The following INSR variants were observed in gnomAD, a reference collection of about 807,000 sequenced individuals.
The protein encoded by INSR is insulin receptor, also known as IR.
Under a neutral mutation model 142.6 loss-of-function variants are expected in INSR, and 67 were observed. The ratio of observed to expected loss-of-function variants is 0.47; its 90% CI spans 0.39 to 0.58. INSR has a LOEUF of 0.58. INSR is among the 20% of genes least tolerant of loss of function. The pLI is 0.00. For synonymous variants in INSR, 756 were observed against 743.1 expected (o/e 1.02, Z -0.28); for missense variants, 1,248 against 1,833.2 (o/e 0.68, Z 5.83).
chr19:7,130,809 T>C (rs1404018101), intron 14 of INSR, among the ~76,000 whole-genome samples: 1 of 151,912 alleles, frequency 6.6e-6, no homozygotes, highest in Non-Finnish European at 1.5e-5. Context: ...TTCTTTCTTT[T>C]ATCTCTCTTT....
Position 7,120,362 on chromosome 19 carries a change from C to T in INSR, c.3659+258G>A, listed in dbSNP as rs540545105. 1.2e-4 allele frequency among the ~76,000 whole-genome samples: 18 copies of T among 152,316 alleles called. No homozygotes were observed. The South Asian group carries it at 1.4e-3, about 12-fold the overall frequency. Reference sequence around the variant, plus strand: ...CTCAGGACCACCTGAGGCTGTGCCACGGGCACACGTCCTCAACCTTGGCAA... The same window carrying T: ...CTCAGGACCACCTGAGGCTGTGCCATGGGCACACGTCCTCAACCTTGGCAA... On this transcript the variant is annotated intron_variant, in intron 20 of 21. Transcript: ENST00000302850.
chr19:7,282,809 T>C (rs994946874), intron 1 of INSR, among the ~76,000 whole-genome samples: 1 of 149,350 alleles, frequency 6.7e-6, no homozygotes, highest in Admixed American at 6.7e-5. Context: ...CCGTCTCTAC[T>C]AAAAATACAA....
intron 2 of INSR, among the ~76,000 whole-genome samples, chr19:7,230,273 A>C (rs923317484): frequency 1.3e-5 from 2 of 152,252 alleles, no homozygotes; most frequent in African/African-American, 4.8e-5. Context: ...TGTAGCAATG[A>C]GGGAGAGAAA....
chr19:7,201,694 A>G (rs62111429), intron 2 of INSR, among the ~76,000 whole-genome samples: 96,537 of 129,110 alleles, frequency 0.75, 36,556 homozygotes, highest in African/African-American at 0.79. Context: ...TTGGAGTCTC[A>G]CTCTGTCGCC....
chr19:7,201,315 T>G (rs902364901), intron 2 of INSR, among the ~76,000 whole-genome samples: 2 of 152,112 alleles, frequency 1.3e-5, no homozygotes, highest in Non-Finnish European at 2.9e-5. Flanking sequence ...TTTCCAAAAT[T>G]GTTAGTAGAG....
chr19:7,275,591 T>C lies in INSR; in HGVS notation c.101-7695A>G, dbSNP rs1046356235. On this transcript the variant is annotated intron_variant, in intron 1 of 21. Coordinates refer to ENST00000302850, the MANE Select transcript of INSR (RefSeq NM_000208.4). Reference sequence around the variant, plus strand: ...CAAGGTCAGGAGTTTGAGATCAGCCTGGATAACATGGTGAAACCCCGTCTC... The same window carrying C: ...CAAGGTCAGGAGTTTGAGATCAGCCCGGATAACATGGTGAAACCCCGTCTC... Among the ~76,000 whole-genome samples, 16 of 152,058 alleles carry C rather than the reference T, an allele frequency of 1.1e-4. 1 individual carries two copies. The highest frequency in any genetic ancestry group is 3.4e-4 in the African/African-American group (14 of 41,498).
chr19:7,197,838 G>GAGAGAGAA (rs149071962), intron 2 of INSR, among the ~76,000 whole-genome samples: 65,699 of 100,304 alleles, frequency 0.65, 24,017 homozygotes, highest in African/African-American at 0.69. Context: ...GAGAGAACGA[G>GAGAGAGAA]AGAGAGAGAG....
At chr19:7,218,583 C>T (rs1424642805) in intron 2 of INSR, among the ~76,000 whole-genome samples, 1 of 152,052 alleles carries the variant, frequency 6.6e-6, no homozygotes, top group Non-Finnish European at 1.5e-5. Flanking sequence ...CTCTGTTGCC[C>T]AGGCTGGAGT....
At chr19:7,147,389 G>T (rs1157173033) in intron 11 of INSR, among the ~76,000 whole-genome samples, 1 of 152,054 alleles carries the variant, frequency 6.6e-6, no homozygotes, top group African/African-American at 2.4e-5. Flanking sequence ...TGGCCAGGCT[G>T]GTCTCAAACT....
intron 2 of INSR, among the ~76,000 whole-genome samples, chr19:7,197,361 G>A (rs1276313609): frequency 6.6e-6 from 1 of 152,218 alleles, no homozygotes; most frequent in Admixed American, 6.5e-5. Context: ...AGTGAGTGGG[G>A]AGGGAGTGAG....
Position 7,119,359 on chromosome 19 carries a change from G to T in INSR, c.3794+90C>A. ...AGCATGCAAACACGGTGAGCGTGTA[G>T]ACATAGGAAAGGCAAAACCAAGCAC... is the stretch of plus-strand genomic sequence containing the variant. On this transcript the variant is annotated intron_variant, in intron 21 of 21. Coordinates refer to ENST00000302850, the MANE Select transcript of INSR (RefSeq NM_000208.4). The surrounding 1 kb of genome is among the most constrained non-coding windows in gnomAD (Gnocchi z 5.2). 1 of 1,447,806 alleles carries T rather than the reference G, an allele frequency of 6.9e-7. No homozygotes were observed. Among genetic ancestry groups the T allele is most frequent in the Non-Finnish European group, 9.7e-7 (1 of 1,029,478 alleles). 89.7% of individuals were successfully genotyped at this position (1,447,806 alleles called of 1,614,324 possible).
intron 19 of INSR, 119 bp downstream of exon 19, chr19:7,122,495 G>A (rs1281397020): frequency 1.1e-5 from 11 of 995,356 alleles, no homozygotes; most frequent in Middle Eastern, 2.6e-4. Context: ...AAAAAAAAAA[G>A]AAGTATCTTG....
At chr19:7,132,486 C>T (rs186149655) in intron 13 of INSR, among the ~76,000 whole-genome samples, 169 bp from the exon 14 acceptor site, 9 of 152,306 alleles carry the variant, frequency 5.9e-5, no homozygotes, top group South Asian at 2.1e-4. Flanking sequence ...ATTTTATAAC[C>T]ATAGTGCTAT....
intron 9 of INSR, 120 bp from the exon 10 acceptor site, chr19:7,153,047 ACCCCCC>A (rs1465605398): frequency 1.2e-5 from 4 of 345,606 alleles, no homozygotes; most frequent in East Asian, 2.4e-4. Flanking sequence ...CACACCACAC[ACCCCCC>A]CACACACACA....
At chr19:7,201,287 A>G (rs1466604028) in intron 2 of INSR, among the ~76,000 whole-genome samples, 1 of 152,212 alleles carries the variant, frequency 6.6e-6, no homozygotes, top group Non-Finnish European at 1.5e-5. Context: ...GAATCAGTAA[A>G]TGAAGTTATT....
chr19:7,211,053 T>G (rs949863138), intron 2 of INSR, among the ~76,000 whole-genome samples: 1 of 152,038 alleles, frequency 6.6e-6, no homozygotes, highest in Non-Finnish European at 1.5e-5. Flanking sequence ...AATTGTCCCC[T>G]TGGGGCCTGC....
chr19:7,133,679 T>A (rs917011197), intron 13 of INSR, among the ~76,000 whole-genome samples: 2 of 152,142 alleles, frequency 1.3e-5, no homozygotes, highest in Admixed American at 1.3e-4. Context: ...CTGGTCAAGA[T>A]GGTGAAACCC....
At chr19:7,174,002 G>C (rs897060528) in intron 4 of INSR, among the ~76,000 whole-genome samples, 1 of 151,898 alleles carries the variant, frequency 6.6e-6, no homozygotes, top group African/African-American at 2.4e-5. Context: ...CGATTCCAAA[G>C]CCAGGTGGGG....
chr19:7,251,241 C>T (rs922016618), intron 2 of INSR, among the ~76,000 whole-genome samples: 5 of 151,920 alleles, frequency 3.3e-5, no homozygotes, highest in Non-Finnish European at 7.4e-5. Context: ...GAGACCCAAA[C>T]AAACACATCA....
Sources: gnomAD v4.1 joint callset for allele counts (sites outside exome capture counted in the v4.1 genomes callset) on GRCh38, gnomAD v4.1.1 for gene constraint, Gnocchi (gnomAD v3.1) non-coding constraint, MANE v1.5 for transcripts, NCBI Gene and HGNC (gene_info 2026-07-23, HGNC 2026-07-21) for gene names.